Variants in NEK7 observed in about 807,000 individuals in gnomAD.
The protein encoded by NEK7 is serine/threonine-protein kinase Nek7.
A neutral mutation model predicts 44.6 loss-of-function variants in NEK7; 18 were observed. That is an observed-to-expected ratio of 0.40 (90% CI 0.28 to 0.60). NEK7 has a LOEUF of 0.60. Among genes scored for constraint, NEK7 ranks in the 20% least tolerant of loss-of-function variants. The pLI is 0.38. For missense variants in NEK7, 256 were observed against 366.5 expected (o/e 0.70, Z 2.46); for synonymous variants, 130 against 121.1 (o/e 1.07, Z -0.48).
chr1:198,174,119 A>G (rs930578379), intron 1 of NEK7, among the ~76,000 whole-genome samples: 5 of 152,220 alleles, frequency 3.3e-5, no homozygotes, highest in Admixed American at 1.3e-4. Context: ...ACTTTGCACC[A>G]TCCATTCAAA....
intron 1 of NEK7, among the ~76,000 whole-genome samples, chr1:198,188,811 G>A (rs780338749): frequency 4.4e-4 from 67 of 152,046 alleles, no homozygotes; most frequent in Non-Finnish European, 7.1e-4. Context: ...AATTTATGTC[G>A]CGAAGTCATC....
chr1:198,222,457 T>C (rs1023960664), intron 1 of NEK7, among the ~76,000 whole-genome samples: 3 of 152,230 alleles, frequency 2.0e-5, no homozygotes, highest in Admixed American at 6.5e-5. Flanking sequence ...AATCTCATTC[T>C]GTACTTTGTC....
At chr1:198,225,734 C>T (rs918553083) in intron 1 of NEK7, among the ~76,000 whole-genome samples, 2 of 152,124 alleles carry the variant, frequency 1.3e-5, no homozygotes, top group African/African-American at 4.8e-5. Flanking sequence ...ATACTTTTTA[C>T]TGTTTTGATG....
rs572626654 is a variant in NEK7 at position 198,205,313 on chromosome 1, A to G, written c.-28-27240A>G. Among the ~76,000 whole-genome samples, 7 of 152,340 alleles carry G rather than the reference A, an allele frequency of 4.6e-5. No individual in the cohort carries two copies. In the South Asian group the frequency reaches 1.5e-3, roughly 32 times the overall value. ...GAAAATAGAGTGAACCTCCACTCCT[A>G]TTAAATGAAAATACTGTGCCAGTCT... On this transcript the variant is annotated intron_variant, in intron 1 of 9. Coordinates refer to ENST00000367385, the MANE Select transcript of NEK7 (RefSeq NM_133494.3).
At position 198,315,390 on chromosome 1, in the gene NEK7, C is replaced by G. The variant is rs567307833; in HGVS notation, c.799-4022C>G. On this transcript the variant is annotated intron_variant, in intron 9 of 9. Transcript: ENST00000367385. ...CTCAGATGGAAATGCAGAAATCACCCGTCTTCTGCGTCGCTTACGCTGGGA... is the reference window on the plus strand; with the variant it reads ...CTCAGATGGAAATGCAGAAATCACCGGTCTTCTGCGTCGCTTACGCTGGGA... Among the ~76,000 whole-genome samples the G allele has an allele frequency of 5.9e-5, 9 of 152,318 alleles. No individual in the cohort carries two copies. The East Asian group carries it at 1.5e-3, about 26-fold the overall frequency.
chr1:198,172,061 C>G (rs1385921473), intron 1 of NEK7, among the ~76,000 whole-genome samples: 2 of 152,120 alleles, frequency 1.3e-5, no homozygotes, highest in Non-Finnish European at 2.9e-5. Flanking sequence ...TTTTTGTATT[C>G]CCAGCAGCTC....
rs948428276 is a variant in NEK7 at position 198,157,612 on chromosome 1, T to G, written c.-29+336T>G. Reference sequence around the variant, plus strand: ...CTTTGGTTTCGGGACCCGAGGAACTTAAGCGAAGTCCCGCCTTCCGGCGGA... The same window carrying G: ...CTTTGGTTTCGGGACCCGAGGAACTGAAGCGAAGTCCCGCCTTCCGGCGGA... On this transcript the variant is annotated intron_variant, in intron 1 of 9. Transcript: ENST00000367385. Among the ~76,000 whole-genome samples the G allele has an allele frequency of 6.6e-5, 10 of 152,354 alleles. No homozygotes were observed. The East Asian group carries it at 1.9e-3, about 30-fold the overall frequency.
At chr1:198,224,136 A>G (rs1193043759) in intron 1 of NEK7, among the ~76,000 whole-genome samples, 1 of 152,218 alleles carries the variant, frequency 6.6e-6, no homozygotes, top group Non-Finnish European at 1.5e-5. Flanking sequence ...TTTTTAATAT[A>G]TAGCCATGTG....
At chr1:198,303,087 T>C (rs57594466) in intron 9 of NEK7, among the ~76,000 whole-genome samples, 12,659 of 152,164 alleles carry the variant, frequency 0.083, 703 homozygotes, top group East Asian at 0.18. Flanking sequence ...TTGCTTAGAA[T>C]ACTCTTCTGG....
chr1:198,312,598 A>C (rs1162295400), intron 9 of NEK7, among the ~76,000 whole-genome samples: 1 of 151,370 alleles, frequency 6.6e-6, no homozygotes, highest in Non-Finnish European at 1.5e-5. Flanking sequence ...TGCCCTCTAC[A>C]CACTGCTTTA....
At chr1:198,247,148 A>G (rs1666855808) in intron 2 of NEK7, among the ~76,000 whole-genome samples, 1 of 152,236 alleles carries the variant, frequency 6.6e-6, no homozygotes, top group Non-Finnish European at 1.5e-5. Flanking sequence ...CCATTTACAA[A>G]TGAACATCAT....
chr1:198,298,003 G>A (rs1654763819), intron 9 of NEK7, among the ~76,000 whole-genome samples: 1 of 152,074 alleles, frequency 6.6e-6, no homozygotes, highest in Non-Finnish European at 1.5e-5. Flanking sequence ...TTAGCCTAAC[G>A]TATCATCATT....
chr1:198,159,302 AAAGG>A (rs575843937), intron 1 of NEK7, among the ~76,000 whole-genome samples: 118 of 152,006 alleles, frequency 7.8e-4, no homozygotes, highest in South Asian at 8.3e-4. Context: ...AGAAAGAAAG[AAAGG>A]AAGGAAGGAA....
chr1:198,309,550 G>C (rs1316536281), intron 9 of NEK7, among the ~76,000 whole-genome samples: 2 of 150,696 alleles, frequency 1.3e-5, no homozygotes, highest in Non-Finnish European at 3.0e-5. Flanking sequence ...GCACCAGCTC[G>C]TCTTCTAGCA....
At chr1:198,270,363 A>G (rs1307469218) in intron 5 of NEK7, among the ~76,000 whole-genome samples, 1 of 152,062 alleles carries the variant, frequency 6.6e-6, no homozygotes, top group Non-Finnish European at 1.5e-5. Context: ...TAGACTAGCA[A>G]TAAAACAAAA....
intron 1 of NEK7, among the ~76,000 whole-genome samples, chr1:198,228,012 T>C (rs1422275915): frequency 6.6e-6 from 1 of 152,236 alleles, no homozygotes; most frequent in Non-Finnish European, 1.5e-5. Flanking sequence ...GTCTAACATT[T>C]AAGTCTTTAA....
At chr1:198,299,492 CA>C (rs67662357) in intron 9 of NEK7, among the ~76,000 whole-genome samples, 20,979 of 151,916 alleles carry the variant, frequency 0.14, 2,115 homozygotes, top group East Asian at 0.58. Flanking sequence ...GTTAGTATGG[CA>C]AAATACAGGA....
intron 2 of NEK7, among the ~76,000 whole-genome samples, chr1:198,236,878 C>T (rs148681388): frequency 7.2e-5 from 11 of 152,228 alleles, no homozygotes; most frequent in East Asian, 5.8e-4. Context: ...CCTATTTCTC[C>T]GCTCCCTTTT....
intron 1 of NEK7, among the ~76,000 whole-genome samples, chr1:198,170,925 T>TA (rs35400123): frequency 0.16 from 24,612 of 151,490 alleles, 2,653 homozygotes; most frequent in East Asian, 0.58. Flanking sequence ...GTAGATTTCT[T>TA]AAAAAAAAAT....
Sources: gnomAD v4.1 joint callset for allele counts (sites outside exome capture counted in the v4.1 genomes callset) on GRCh38, gnomAD v4.1.1 for gene constraint, MANE v1.5 for transcripts, NCBI Gene and HGNC (gene_info 2026-07-23, HGNC 2026-07-21) for gene names.